The following TAFA5 variants were observed in gnomAD, a reference collection of about 807,000 sequenced individuals.
The protein encoded by TAFA5 is TAFA chemokine like family member 5.
In TAFA5, 6 loss-of-function variants were observed where a neutral mutation model predicts 15.3. That is an observed-to-expected ratio of 0.39 (90% CI 0.21 to 0.77). TAFA5 has a LOEUF of 0.77. Ranked by LOEUF, TAFA5 falls within the 30% of genes least tolerant of loss-of-function variation. The pLI is 0.41. For missense variants in TAFA5, 161 were observed against 193.1 expected, an observed-to-expected ratio of 0.83 and a Z score of 0.98; for synonymous variants, 103 against 80.7, an observed-to-expected ratio of 1.28 and a Z score of -1.48.
intron 1 of TAFA5, among the ~76,000 whole-genome samples, chr22:48,542,470 ATGTGTGTGTGG>A (rs368497658): frequency 0.19 from 6,659 of 35,926 alleles, 307 homozygotes; most frequent in Admixed American, 0.24. Context: ...TGTGTTGTGT[ATGTGTGTGTGG>A]TGTGTGTGTG....
chr22:48,743,235 A>G (rs1210152845), intron 3 of TAFA5, among the ~76,000 whole-genome samples: 1 of 151,566 alleles, frequency 6.6e-6, no homozygotes, highest in East Asian at 1.9e-4. Context: ...GGGGGTCCAG[A>G]CGTCTGTGGT....
chr22:48,725,976 T>C (rs898581018), intron 3 of TAFA5, among the ~76,000 whole-genome samples: 1 of 152,174 alleles, frequency 6.6e-6, no homozygotes, highest in Non-Finnish European at 1.5e-5. Flanking sequence ...TTTATGGTGA[T>C]ATCTTTGAAT....
intron 1 of TAFA5, among the ~76,000 whole-genome samples, chr22:48,526,733 T>C (rs910166319): frequency 6.6e-6 from 1 of 152,270 alleles, no homozygotes; most frequent in Non-Finnish European, 1.5e-5. Flanking sequence ...TCATGTTGTA[T>C]ATACTGAATA....
At chr22:48,746,500 G>GA (rs1226270768) in intron 3 of TAFA5, among the ~76,000 whole-genome samples, 3 of 151,764 alleles carry the variant, frequency 2.0e-5, no homozygotes, top group Non-Finnish European at 2.9e-5. Context: ...TCTTGTTAAA[G>GA]AAAAAAAAGA....
intron 1 of TAFA5, among the ~76,000 whole-genome samples, chr22:48,606,152 C>T (rs1233494843): frequency 6.6e-6 from 1 of 152,190 alleles, no homozygotes; most frequent in Non-Finnish European, 1.5e-5. Context: ...CTCCGCTCTC[C>T]TCCACCTCCT....
chr22:48,674,206 T>C (rs1275432702), intron 2 of TAFA5, among the ~76,000 whole-genome samples: 1 of 152,186 alleles, frequency 6.6e-6, no homozygotes, highest in African/African-American at 2.4e-5. Flanking sequence ...CTTGGGACTT[T>C]GCTCCCGGCT....
At chr22:48,588,022 T>G (rs1924424703) in intron 1 of TAFA5, among the ~76,000 whole-genome samples, 2 of 152,232 alleles carry the variant, frequency 1.3e-5, no homozygotes, top group African/African-American at 4.8e-5. Context: ...CGGGTTATCC[T>G]GCAGGTGCCA....
At chr22:48,673,494 C>T (rs1038327628) in intron 2 of TAFA5, among the ~76,000 whole-genome samples, 1 of 152,128 alleles carries the variant, frequency 6.6e-6, no homozygotes, top group Non-Finnish European at 1.5e-5. Flanking sequence ...GGCTTCTCTC[C>T]TAAGTTGGGG....
intron 1 of TAFA5, among the ~76,000 whole-genome samples, chr22:48,599,558 C>T (rs1427771346): frequency 3.3e-5 from 5 of 152,220 alleles, no homozygotes; most frequent in African/African-American, 4.8e-5. Context: ...CAGCATCCCT[C>T]ACAAGCCAGG....
At chr22:48,615,239 C>T (rs192447346) in intron 1 of TAFA5, among the ~76,000 whole-genome samples, 2 of 152,292 alleles carry the variant, frequency 1.3e-5, no homozygotes, top group Admixed American at 6.5e-5. Flanking sequence ...TTAATTAGCA[C>T]GAATCTGCAG....
At chr22:48,721,888 G>C (rs1929579648) in intron 3 of TAFA5, among the ~76,000 whole-genome samples, 1 of 152,068 alleles carries the variant, frequency 6.6e-6, no homozygotes, top group South Asian at 2.1e-4. Flanking sequence ...AGAATCGCTT[G>C]ATCGCTTGAA....
At position 48,580,936 on chromosome 22, in the gene TAFA5, C is replaced by G. The variant is rs937003674; in HGVS notation, c.113-65661C>G. 4.8e-5 allele frequency among the ~76,000 whole-genome samples: 7 copies of G among 144,794 alleles called. No individual in the cohort carries two copies. The Admixed American group carries it at 4.9e-4, about 10-fold the overall frequency. The allele number at this position is 144,794 out of a possible 152,430, so 95.0% of individuals were successfully genotyped here. On this transcript the variant is annotated intron_variant, in intron 1 of 3. Coordinates refer to ENST00000402357, the MANE Select transcript of TAFA5 (RefSeq NM_001082967.3). ...GCAGGCAGACAGAGCGCAGGGGCAT[C>G]GCAGTGCCAGCCCCACATGGCAGGT...
chr22:48,638,364 C>CGA (rs1926532734), intron 1 of TAFA5, among the ~76,000 whole-genome samples: 1 of 84,070 alleles, frequency 1.2e-5, no homozygotes, highest in Non-Finnish European at 2.3e-5. Flanking sequence ...CACCCCCCCC[C>CGA]CGACACTAAG....
At chr22:48,528,991 G>A (rs1921871302) in intron 1 of TAFA5, among the ~76,000 whole-genome samples, 4 of 152,218 alleles carry the variant, frequency 2.6e-5, no homozygotes, top group Admixed American at 1.3e-4. Context: ...CAGGTGGGGT[G>A]CATGGGGCAC....
At chr22:48,611,531 G>T (rs1023744231) in intron 1 of TAFA5, among the ~76,000 whole-genome samples, 24 of 152,256 alleles carry the variant, frequency 1.6e-4, no homozygotes, top group African/African-American at 5.8e-4. Flanking sequence ...GGCTTTTGGG[G>T]GCTCGGCCAT....
intron 1 of TAFA5, among the ~76,000 whole-genome samples, chr22:48,551,545 G>A (rs931799490): frequency 3.3e-5 from 5 of 152,208 alleles, no homozygotes; most frequent in Admixed American, 6.5e-5. Context: ...CAAGAATTCC[G>A]CTCCAGAACT....
intron 1 of TAFA5, among the ~76,000 whole-genome samples, chr22:48,627,631 G>T (rs907826285): frequency 6.6e-6 from 1 of 152,242 alleles, no homozygotes; most frequent in South Asian, 2.1e-4. Context: ...AGCCTCTGTC[G>T]TGGGAGGCCC....
chr22:48,606,072 C>T (rs1601610723), intron 1 of TAFA5, among the ~76,000 whole-genome samples: 2 of 152,156 alleles, frequency 1.3e-5, no homozygotes, highest in South Asian at 2.1e-4. Flanking sequence ...GCTTCGGAGC[C>T]GGGCACCTGT....
At chr22:48,677,335 C>T (rs1240604972) in intron 2 of TAFA5, among the ~76,000 whole-genome samples, 1 of 152,224 alleles carries the variant, frequency 6.6e-6, no homozygotes, top group Non-Finnish European at 1.5e-5. Flanking sequence ...TTGGCTCGGA[C>T]GTCGGTTTCA....
Sources: gnomAD v4.1 joint callset for allele counts (sites outside exome capture counted in the v4.1 genomes callset) on GRCh38, gnomAD v4.1.1 for gene constraint, MANE v1.5 for transcripts, NCBI Gene and HGNC (gene_info 2026-07-23, HGNC 2026-07-21) for gene names.